USH2A: variants seen among roughly 807,000 people sequenced by gnomAD.
USH2A encodes the protein Usher syndrome 2A (autosomal recessive, mild).
In USH2A, 443 loss-of-function variants were observed where a neutral mutation model predicts 538.9. That is an observed-to-expected ratio of 0.82 (90% CI 0.76 to 0.89). The LOEUF is 0.89. Ranked by LOEUF, USH2A falls within the 40% of genes least tolerant of loss-of-function variation. The pLI, the probability that USH2A is intolerant of heterozygous loss-of-function variation, is 0.00. For missense variants in USH2A, 6,633 were observed against 6,324.8 expected (o/e 1.05, Z -1.65); for synonymous variants, 2,413 against 2,273.5 (o/e 1.06, Z -1.75).
chr1:215,629,093 A>T, intron 70 of USH2A, 58 bp from the exon 71 acceptor site: 1 of 1,512,044 alleles, frequency 6.6e-7, no homozygotes, highest in South Asian at 1.1e-5. Flanking sequence ...TTGAAATATG[A>T]CAGAGAATTG....
chr1:216,288,259 G>A (rs893167698), intron 11 of USH2A, among the ~76,000 whole-genome samples: 2 of 151,998 alleles, frequency 1.3e-5, no homozygotes, highest in African/African-American at 2.4e-5. Context: ...TGAGAAAATA[G>A]TCCCTCAATA....
intron 3 of USH2A, among the ~76,000 whole-genome samples, chr1:216,399,242 C>G (rs1214000035): frequency 6.6e-6 from 1 of 152,142 alleles, no homozygotes; most frequent in Non-Finnish European, 1.5e-5. Context: ...TTACTTTACT[C>G]CAACCTCTGG....
intron 26 of USH2A, among the ~76,000 whole-genome samples, chr1:216,080,933 A>G (rs78269639): frequency 1.9e-4 from 29 of 152,058 alleles, no homozygotes; most frequent in African/African-American, 5.1e-4. Context: ...CTACCTGAAG[A>G]CATTCAGGTT....
chr1:215,970,747 C>G lies in USH2A; in HGVS notation c.6835G>C (p.Asp2279His), dbSNP rs1421761057. The change falls in exon 36 of 72, where the codon GAT becomes CAT. Residue 2279 changes from aspartate to histidine, a missense_variant. By Grantham distance (81) the Asp-to-His change is moderately conservative. Transcript: ENST00000307340. The stretch of plus-strand genomic sequence containing the variant: ...GAGGAATTGTGGATTAATATACCAT[C>G]TAGATATAATCCATAACTCGTGATA... Reference protein sequence around the residue: ...GVITSYGLYLDGILIHNSSEL... With the variant: ...GVITSYGLYLHGILIHNSSEL... 6.2e-7 allele frequency: 1 copy of G among 1,613,564 alleles called. No homozygotes were observed. Among genetic ancestry groups the G allele is most frequent in the Admixed American group, 1.7e-5 (1 of 59,954 alleles).
At chr1:216,146,493 T>C (rs888050680) in intron 21 of USH2A, among the ~76,000 whole-genome samples, 1 of 152,174 alleles carries the variant, frequency 6.6e-6, no homozygotes, top group Non-Finnish European at 1.5e-5. Context: ...CCTTGGTCCT[T>C]CACCCTTAGC....
intron 9 of USH2A, among the ~76,000 whole-genome samples, chr1:216,312,193 C>T (rs2037434189): frequency 6.6e-6 from 1 of 151,696 alleles, no homozygotes; most frequent in Admixed American, 6.6e-5. Flanking sequence ...TCTGTCAACA[C>T]CTAACTATTT....
At chr1:216,156,083 A>G (rs1349338585) in intron 21 of USH2A, among the ~76,000 whole-genome samples, 1 of 152,080 alleles carries the variant, frequency 6.6e-6, no homozygotes, top group Non-Finnish European at 1.5e-5. Context: ...TGGCCCTTGC[A>G]TGATCTGGCC....
intron 61 of USH2A, among the ~76,000 whole-genome samples, chr1:215,719,155 T>C (rs2102705198): frequency 6.6e-6 from 1 of 151,646 alleles, no homozygotes; most frequent in East Asian, 1.9e-4. Flanking sequence ...TGTGTGTCTG[T>C]GTGTGTGTGT....
intron 22 of USH2A, among the ~76,000 whole-genome samples, chr1:216,094,340 C>T (rs149722565): frequency 3.9e-5 from 6 of 152,224 alleles, no homozygotes; most frequent in African/African-American, 7.2e-5. Context: ...GAAAACAAAA[C>T]GTCAGTATAA....
intron 3 of USH2A, among the ~76,000 whole-genome samples, chr1:216,383,282 G>A (rs75449760): frequency 1.3e-3 from 196 of 152,190 alleles, no homozygotes; most frequent in Middle Eastern, 3.4e-3. Context: ...GCTCAACTAC[G>A]CAAAGATTCA....
intron 3 of USH2A, among the ~76,000 whole-genome samples, chr1:216,400,144 G>A (rs574866666): frequency 7.3e-5 from 11 of 151,564 alleles, no homozygotes; most frequent in Admixed American, 7.2e-4. Flanking sequence ...CAATAAAAAT[G>A]CATCAACAAG....
At chr1:215,778,073 A>T (rs963415137) in intron 55 of USH2A, among the ~76,000 whole-genome samples, 5 of 146,968 alleles carry the variant, frequency 3.4e-5, no homozygotes, top group Non-Finnish European at 6.0e-5. Flanking sequence ...TTTTTTTGAG[A>T]CAGAGTCTCG....
At chr1:216,097,290 A>G in intron 21 of USH2A, 77 bp from the exon 22 acceptor site, 2 of 1,610,052 alleles carry the variant, frequency 1.2e-6, no homozygotes, top group Non-Finnish European at 1.7e-6. Context: ...ATTTACTTTC[A>G]TTATTATTTA....
intron 35 of USH2A, among the ~76,000 whole-genome samples, chr1:215,984,169 G>A (rs1055238874): frequency 2.0e-5 from 3 of 152,188 alleles, no homozygotes; most frequent in East Asian, 1.9e-4. Context: ...GAAAAAGAGT[G>A]AATCTAGAAA....
intron 32 of USH2A, among the ~76,000 whole-genome samples, chr1:216,036,666 T>A (rs759982744): frequency 2.0e-5 from 3 of 152,152 alleles, no homozygotes; most frequent in Non-Finnish European, 2.9e-5. Context: ...TAAATTCTAA[T>A]TGCACAGATG....
In USH2A at chr1:216,339,319, A is replaced by G. The variant is rs1324207633; in HGVS notation, c.785-11665T>C. On this transcript the variant is annotated intron_variant, in intron 4 of 71. Coordinates refer to ENST00000307340, the MANE Select transcript of USH2A (RefSeq NM_206933.4). ...TTACATAAATACTAACAACATAAAG[A>G]TAACAGCATGTGTTATATTATTTTG... Among the ~76,000 whole-genome samples the G allele has an allele frequency of 2.0e-5, 3 of 151,624 alleles. No homozygotes were observed. In the East Asian group the frequency reaches 5.8e-4, roughly 29 times the overall value.
intron 32 of USH2A, among the ~76,000 whole-genome samples, chr1:216,032,198 T>C (rs547884264): frequency 2.6e-4 from 39 of 152,196 alleles, no homozygotes; most frequent in Non-Finnish European, 5.0e-4. Context: ...CATGCTTTTT[T>C]TTTGCATGCA....
chr1:216,004,682 A>G (rs1471002884), intron 32 of USH2A, among the ~76,000 whole-genome samples: 1 of 152,228 alleles, frequency 6.6e-6, no homozygotes, highest in African/African-American at 2.4e-5. Flanking sequence ...TAGAATCAAG[A>G]GAAGATTTTT....
intron 16 of USH2A, among the ~76,000 whole-genome samples, chr1:216,201,451 C>T (rs886596609): frequency 1.3e-5 from 2 of 151,816 alleles, no homozygotes; most frequent in Non-Finnish European, 2.9e-5. Context: ...ATAGCTGGGA[C>T]TACAGGTGCC....
Sources: gnomAD v4.1 joint callset for allele counts (sites outside exome capture counted in the v4.1 genomes callset) on GRCh38, gnomAD v4.1.1 for gene constraint, MANE v1.5 for transcripts, NCBI Gene and HGNC (gene_info 2026-07-23, HGNC 2026-07-21) for gene names.